DPP10: variants seen among roughly 807,000 people sequenced by gnomAD.
DPP10 encodes inactive dipeptidyl peptidase 10.
Under a neutral mutation model 120.9 loss-of-function variants are expected in DPP10, and 33 were observed. The ratio of observed to expected loss-of-function variants is 0.27; its 90% CI spans 0.21 to 0.37. The LOEUF (loss-of-function observed/expected upper bound fraction) is 0.37. Ranked by LOEUF, DPP10 falls within the 10% of genes least tolerant of loss-of-function variation. DPP10 has a pLI of 1.00. For missense variants in DPP10, 816 were observed against 942.8 expected, an observed-to-expected ratio of 0.87 and a Z score of 1.76; for synonymous variants, 337 against 326.1, an observed-to-expected ratio of 1.03 and a Z score of -0.36.
intron 5 of DPP10, among the ~76,000 whole-genome samples, chr2:115,616,560 A>G (rs1211173561): frequency 4.0e-5 from 6 of 151,838 alleles, no homozygotes; most frequent in Non-Finnish European, 8.8e-5. Context: ...AGAAGCTATT[A>G]GTCCCAGTTT....
chr2:114,817,664 G>C (rs1399820669), intron 1 of DPP10, among the ~76,000 whole-genome samples: 1 of 152,162 alleles, frequency 6.6e-6, no homozygotes, highest in African/African-American at 2.4e-5. Flanking sequence ...TGCAATTCAT[G>C]GGAGTCGGGC....
At chr2:114,761,334 T>G (rs1680264029) in intron 1 of DPP10, among the ~76,000 whole-genome samples, 1 of 152,170 alleles carries the variant, frequency 6.6e-6, no homozygotes, top group South Asian at 2.1e-4. Flanking sequence ...TCTCATATGT[T>G]TCTATAAAGT....
intron 5 of DPP10, among the ~76,000 whole-genome samples, chr2:115,666,972 A>G (rs2089504981): frequency 6.6e-6 from 1 of 152,098 alleles, no homozygotes; most frequent in Non-Finnish European, 1.5e-5. Flanking sequence ...GATGACTGGA[A>G]GAAGGTACCT....
intron 1 of DPP10, among the ~76,000 whole-genome samples, chr2:114,513,199 T>C (rs1164386982): frequency 6.6e-6 from 1 of 152,224 alleles, no homozygotes; most frequent in Non-Finnish European, 1.5e-5. Context: ...TGTCCTTTTA[T>C]ATATGTTCTC....
intron 5 of DPP10, among the ~76,000 whole-genome samples, chr2:115,582,457 T>G (rs532498011): frequency 3.9e-5 from 6 of 152,280 alleles, no homozygotes; most frequent in South Asian, 2.1e-4. Flanking sequence ...GGAGACTGCC[T>G]TTCCCTGGCA....
chr2:115,040,050 A>G (rs1359738580), intron 1 of DPP10, among the ~76,000 whole-genome samples: 3 of 152,206 alleles, frequency 2.0e-5, no homozygotes, highest in African/African-American at 7.2e-5. Context: ...TAATTTTACT[A>G]GAAGTAATGC....
At chr2:114,955,506 T>C (rs1235393807) in intron 1 of DPP10, among the ~76,000 whole-genome samples, 1 of 152,214 alleles carries the variant, frequency 6.6e-6, no homozygotes, top group African/African-American at 2.4e-5. Flanking sequence ...AGCCGAATTC[T>C]ACCAAACATT....
intron 1 of DPP10, among the ~76,000 whole-genome samples, chr2:114,447,540 C>G (rs1678013551): frequency 1.3e-5 from 2 of 152,120 alleles, no homozygotes; most frequent in Admixed American, 1.3e-4. Context: ...ATATGAAATT[C>G]TAAGTGGAAA....
chr2:115,014,461 A>G (rs1702488959), intron 1 of DPP10, among the ~76,000 whole-genome samples: 1 of 152,146 alleles, frequency 6.6e-6, no homozygotes, highest in African/African-American at 2.4e-5. Context: ...AAACAAATTC[A>G]AAACTAGCAG....
chr2:115,770,157 CA>C (rs1681282928), intron 13 of DPP10, among the ~76,000 whole-genome samples: 1 of 151,978 alleles, frequency 6.6e-6, no homozygotes, highest in African/African-American at 2.4e-5. Context: ...CATTATTCAA[CA>C]AATAAATAAT....
chr2:115,772,552 G>A (rs1002115737), intron 13 of DPP10, among the ~76,000 whole-genome samples: 12 of 152,050 alleles, frequency 7.9e-5, no homozygotes, highest in African/African-American at 2.7e-4. Context: ...TAAAGAAACT[G>A]TTCTTCTGGA....
chr2:115,032,085 A>T (rs1310671387), intron 1 of DPP10, among the ~76,000 whole-genome samples: 2 of 152,204 alleles, frequency 1.3e-5, no homozygotes, highest in Non-Finnish European at 2.9e-5. Flanking sequence ...TCTGTATGGC[A>T]GTGAGGATAA....
chr2:114,641,381 GTTCTTTT>G, intron 1 of DPP10, among the ~76,000 whole-genome samples: 1 of 151,980 alleles, frequency 6.6e-6, no homozygotes, highest in Admixed American at 6.5e-5. Context: ...GCAATGATGA[GTTCTTTT>G]TCTTGTGATT....
intron 1 of DPP10, among the ~76,000 whole-genome samples, chr2:114,497,453 CTATT>C (rs1419221332): frequency 2.0e-5 from 3 of 150,032 alleles, no homozygotes; most frequent in Admixed American, 2.0e-4. Context: ...ATAGATGCAT[CTATT>C]TTATAGATGC....
chr2:115,296,051 A>G (rs939064627), intron 1 of DPP10, among the ~76,000 whole-genome samples: 4 of 152,076 alleles, frequency 2.6e-5, no homozygotes, highest in African/African-American at 4.8e-5. Flanking sequence ...AGAAAGCAAA[A>G]TATTTATCTA....
At chr2:115,343,954 C>A in intron 3 of DPP10, 42 bp downstream of exon 3, 2 of 1,485,596 alleles carry the variant, frequency 1.3e-6, no homozygotes, top group Non-Finnish European at 1.8e-6. Flanking sequence ...ATTTTGAGTT[C>A]TGTATAATTA....
intron 1 of DPP10, among the ~76,000 whole-genome samples, chr2:114,711,271 A>C (rs1368019509): frequency 6.6e-6 from 1 of 152,198 alleles, no homozygotes; most frequent in Non-Finnish European, 1.5e-5. Flanking sequence ...GCACAGGGTG[A>C]ATAGATATAA....
chr2:114,838,113 A>G (rs1024230248), intron 1 of DPP10, among the ~76,000 whole-genome samples: 2 of 152,322 alleles, frequency 1.3e-5, no homozygotes, highest in Non-Finnish European at 2.9e-5. Flanking sequence ...CTGAAGGACC[A>G]TGTGAATAAA....
At chr2:115,700,846 A>G (rs1457969518) in intron 7 of DPP10, among the ~76,000 whole-genome samples, 1 of 152,164 alleles carries the variant, frequency 6.6e-6, no homozygotes, top group Non-Finnish European at 1.5e-5. Flanking sequence ...TTACAATAGC[A>G]TGAAGAAGGA....
Sources: allele counts gnomAD v4.1 joint callset (sites outside exome capture counted in the v4.1 genomes callset), GRCh38; gene constraint gnomAD v4.1.1; transcripts MANE v1.5; gene names NCBI Gene and HGNC (gene_info 2026-07-23, HGNC 2026-07-21).